USP24: variants seen among roughly 807,000 people sequenced by gnomAD.
The protein encoded by USP24 is ubiquitin carboxyl-terminal hydrolase 24.
In USP24, 97 loss-of-function variants were observed where a neutral mutation model predicts 361.6. That is an observed-to-expected ratio of 0.27 (90% CI 0.23 to 0.32). The LOEUF is 0.32. Ranked by LOEUF, USP24 falls within the 10% of genes least tolerant of loss-of-function variation. The probability of loss-of-function intolerance (pLI) is 1.00; values close to 1 mark genes in which losing one functional copy is unlikely to be tolerated. For synonymous variants in USP24, 1,098 were observed against 1,124.6 expected (o/e 0.98, Z 0.47); for missense variants, 2,353 against 3,165.6 (o/e 0.74, Z 6.16).
Position 55,077,237 on chromosome 1 carries a change from A to T in USP24, c.7378T>A (p.Leu2460Met). The change falls in exon 62 of 68, where the codon TTG becomes ATG. Residue 2460 changes from leucine to methionine, a missense_variant and splice_region_variant. By Grantham distance (15) the Leu-to-Met change is conservative (BLOSUM62 2). Transcript: ENST00000294383. ...KNTFQLLHEILVIEDPIQVER... is the reference protein window; with the variant it reads ...KNTFQLLHEIMVIEDPIQVER... ...GAGTCAGAACAGTTATGACTTACCA[A>T]TATTTCATGAAGTAGTTGGAACGTA... The T allele has an allele frequency of 6.5e-7, 1 of 1,548,232 alleles. No individual in the cohort carries two copies. The highest frequency in any genetic ancestry group is 8.8e-7 in the Non-Finnish European group (1 of 1,139,756).
At chr1:55,105,672 T>G (rs1645751106) in intron 41 of USP24, among the ~76,000 whole-genome samples, 1 of 152,174 alleles carries the variant, frequency 6.6e-6, no homozygotes, top group African/African-American at 2.4e-5. Context: ...TTTGTACCCA[T>G]AAAACTAATA....
chr1:55,096,904 G>A (rs1298743692), intron 49 of USP24, 48 bp downstream of exon 49: 2 of 1,576,386 alleles, frequency 1.3e-6, no homozygotes, highest in Non-Finnish European at 8.6e-7. Flanking sequence ...ATAACGGAGA[G>A]CAGGGGAGGG....
Position 55,134,311 on chromosome 1 carries a change from CA to C in USP24, c.3287+16del, listed in dbSNP as rs756084182. On this transcript the variant is annotated intron_variant, in intron 29 of 67. Transcript: ENST00000294383. The stretch of plus-strand genomic sequence containing the variant: ...GTAACTTTCTCTCTGCCAAGCCTCA[CA>C]AATATTTATATTTACCTTGGCTCTT... 4 of 1,608,202 alleles carry C rather than the reference CA, an allele frequency of 2.5e-6. No homozygotes were observed. In the Middle Eastern group the frequency reaches 6.6e-4, roughly 266 times the overall value.
chr1:55,184,984 G>T (rs1644089089), intron 1 of USP24, among the ~76,000 whole-genome samples: 1 of 151,880 alleles, frequency 6.6e-6, no homozygotes, highest in East Asian at 1.9e-4. Context: ...TTGACATGGG[G>T]TCTTGTTCTG....
At chr1:55,077,387 AT>A in intron 61 of USP24, 87 bp from the exon 62 acceptor site, 1 of 1,253,772 alleles carries the variant, frequency 8.0e-7, no homozygotes, top group Non-Finnish European at 1.1e-6. Flanking sequence ...TTCTAGCTCT[AT>A]CACCTTCTGG....
At chr1:55,213,716 T>C (rs1202294744) in intron 1 of USP24, among the ~76,000 whole-genome samples, 4 of 152,310 alleles carry the variant, frequency 2.6e-5, no homozygotes, top group Admixed American at 2.6e-4. Flanking sequence ...AAGTAATTAT[T>C]CAAAAGCACT....
rs1349741125 is a variant in USP24 at position 55,157,372 on chromosome 1, T to TAA, written c.1228-4_1228-3dup. On this transcript the variant is annotated splice_polypyrimidine_tract_variant and splice_region_variant and intron_variant, in intron 10 of 67. Transcript: ENST00000294383. Reference sequence around the variant, plus strand: ...GCTATCTTCTATTAGTTTGGTTACCTAAAAAGATAAGATTATTGTGACTGA... The same window carrying TAA: ...GCTATCTTCTATTAGTTTGGTTACCTAAAAAAAGATAAGATTATTGTGACTGA... 1 of 1,520,104 alleles carries TAA rather than the reference T, an allele frequency of 6.6e-7. No individual in the cohort carries two copies. The highest frequency in any genetic ancestry group is 2.0e-5 in the Admixed American group (1 of 49,844). The allele number at this position is 1,520,104 out of a possible 1,614,324, so 94.2% of individuals were successfully genotyped here.
At chr1:55,145,037 G>A (rs552244993) in intron 20 of USP24, among the ~76,000 whole-genome samples, 1 of 152,318 alleles carries the variant, frequency 6.6e-6, no homozygotes, top group East Asian at 1.9e-4. Flanking sequence ...TATTGTTGAG[G>A]ATGTGAAGAA....
At chr1:55,195,021 C>G (rs1338102065) in intron 1 of USP24, among the ~76,000 whole-genome samples, 2 of 151,688 alleles carry the variant, frequency 1.3e-5, no homozygotes, top group African/African-American at 4.8e-5. Context: ...TAAAACAAAA[C>G]AAAACAAAAC....
In USP24 at chr1:55,069,009, T is replaced by C. The variant is rs1176337835; in HGVS notation, c.*36A>G. The C allele has an allele frequency of 3.1e-6, 5 of 1,609,294 alleles. No homozygotes were observed. The African/African-American group carries it at 4.0e-5, about 13-fold the overall frequency. Reference sequence around the variant, plus strand: ...CCAAGAAGGTGCTGAGCATCCAGTATTGTGTCTTGACTCCTCTCAGGCTGG... The same window carrying C: ...CCAAGAAGGTGCTGAGCATCCAGTACTGTGTCTTGACTCCTCTCAGGCTGG... On this transcript the variant is annotated 3_prime_UTR_variant, in exon 68 of 68. Transcript: ENST00000294383.
At position 55,157,123 on chromosome 1, in the gene USP24, T is replaced by C. The variant is rs563985229; in HGVS notation, c.1343-72A>G. 3 of 1,440,840 alleles carry C rather than the reference T, an allele frequency of 2.1e-6. No individual in the cohort carries two copies. In the East Asian group the frequency reaches 6.8e-5, roughly 33 times the overall value. 89.3% of individuals were successfully genotyped at this position (1,440,840 alleles called of 1,614,324 possible). The stretch of plus-strand genomic sequence containing the variant: ...ACTCTCTAAATATAATTCTATTGAT[T>C]CAAAACAATAACTTACTATAAGATC... On this transcript the variant is annotated intron_variant, in intron 11 of 67. Transcript: ENST00000294383.
At chr1:55,069,707 A>G (rs1644881142) in intron 67 of USP24, among the ~76,000 whole-genome samples, 1 of 151,422 alleles carries the variant, frequency 6.6e-6, no homozygotes, top group African/African-American at 2.4e-5. Context: ...ACATTTGATA[A>G]ATAAAATTCA....
In USP24 at chr1:55,107,441, A is replaced by G; in HGVS notation, c.4571-11T>C. The G allele has an allele frequency of 1.9e-6, 3 of 1,557,254 alleles. No individual in the cohort carries two copies. Among genetic ancestry groups the G allele is most frequent in the Non-Finnish European group, 8.6e-7 (1 of 1,156,560 alleles). On this transcript the variant is annotated splice_polypyrimidine_tract_variant and intron_variant, in intron 39 of 67. Transcript: ENST00000294383. ...GCTCCATTTCTGAAGCTAAGAAGGA[A>G]AAAAAAAATCCATTACAAAGAAAGA...
chr1:55,174,609 T>C (rs1477381922), intron 3 of USP24, among the ~76,000 whole-genome samples: 1 of 152,212 alleles, frequency 6.6e-6, no homozygotes, highest in Admixed American at 6.5e-5. Context: ...AGTTAGAGTA[T>C]TATATTCCAA....
intron 5 of USP24, among the ~76,000 whole-genome samples, chr1:55,166,852 G>T (rs1379541531): frequency 6.6e-6 from 1 of 152,130 alleles, no homozygotes; most frequent in Non-Finnish European, 1.5e-5. Flanking sequence ...TTGGATAGCT[G>T]AGATCAGTTG....
intron 24 of USP24, 129 bp downstream of exon 24, chr1:55,141,487 T>G (rs1646887993): frequency 1.2e-6 from 1 of 825,680 alleles, no homozygotes; most frequent in Non-Finnish European, 1.9e-6. Context: ...TTCTCAGGAT[T>G]ATGACAGCTT....
rs1342985390 is a variant in USP24, at chr1:55,083,847, C to G, written c.6807G>C (p.Leu2269=). 1.9e-6 allele frequency: 3 copies of G among 1,604,816 alleles called. No homozygotes were observed. Among genetic ancestry groups the G allele is most frequent in the Non-Finnish European group, 2.6e-6 (3 of 1,175,298 alleles). ...LHQLLEVLLA[L]LDKDVPENCK... ...AATTTTCTGGGACGTCTTTGTCCAA[C>G]AGAGCAAGTAGTACCTCCAGTAACT... The change falls in exon 57 of 68, where the codon CTG becomes CTC. Residue 2269 remains leucine, a synonymous_variant. Transcript: ENST00000294383.
At position 55,079,793 on chromosome 1, in the gene USP24, T is replaced by TGAGTACTCTCACAGAGTACTCACCCA; in HGVS notation, c.7079-135_7079-134insTGGGTGAGTACTCTGTGAGAGTACTC. On this transcript the variant is annotated intron_variant, in intron 59 of 67. Coordinates refer to ENST00000294383, the MANE Select transcript of USP24 (RefSeq NM_015306.3). ...GTACTCTCACAGAGTACTCACACAC[T>TGAGTACTCTCACAGAGTACTCACCCA]GAGTACTCACACACTGAGTACTCGC... 3.8e-6 allele frequency: 4 copies of TGAGTACTCTCACAGAGTACTCACCCA among 1,051,220 alleles called. 1 individual carries two copies. The highest frequency in any genetic ancestry group is 5.1e-6 in the Non-Finnish European group (4 of 780,996). 65.1% of individuals were successfully genotyped at this position (1,051,220 alleles called of 1,614,324 possible). A position where few individuals can be genotyped will look rare whatever the true frequency, so the allele number is the denominator to read the frequency against.
At chr1:55,189,528 C>A (rs1484793964) in intron 1 of USP24, among the ~76,000 whole-genome samples, 1 of 152,108 alleles carries the variant, frequency 6.6e-6, no homozygotes, top group Non-Finnish European at 1.5e-5. Flanking sequence ...ATAGGCAAAT[C>A]CATAGACACA....
Sources: allele counts gnomAD v4.1 joint callset (sites outside exome capture counted in the v4.1 genomes callset), GRCh38; gene constraint gnomAD v4.1.1; transcripts MANE v1.5; gene names NCBI Gene and HGNC (gene_info 2026-07-23, HGNC 2026-07-21).